The following BRINP1 variants were observed in gnomAD, a reference collection of about 807,000 sequenced individuals.
BRINP1 encodes the protein BMP/retinoic acid inducible neural specific 1, also known as BMP/retinoic acid-inducible neural-specific protein 1.
In BRINP1, 17 loss-of-function variants were observed where a neutral mutation model predicts 72.9. The ratio of observed to expected loss-of-function variants is 0.23; its 90% CI spans 0.16 to 0.35. BRINP1 has a LOEUF of 0.35. BRINP1 is among the 10% of genes least tolerant of loss of function. The pLI, the probability that BRINP1 is intolerant of heterozygous loss-of-function variation, is 1.00. For missense variants in BRINP1, 850 were observed against 1,001.6 expected (o/e 0.85, Z 2.04); for synonymous variants, 418 against 378.5 (o/e 1.10, Z -1.21).
chr9:119,324,357 G>T lies in BRINP1; in HGVS notation c.-50-10952C>A, dbSNP rs147747900. Among the ~76,000 whole-genome samples, 9 of 152,304 alleles carry T rather than the reference G, an allele frequency of 5.9e-5. No homozygotes were observed. In the East Asian group the frequency reaches 1.5e-3, roughly 26 times the overall value. On this transcript the variant is annotated intron_variant, in intron 1 of 7. Coordinates refer to ENST00000265922, the MANE Select transcript of BRINP1 (RefSeq NM_014618.3). Reference sequence around the variant, plus strand: ...CAGTGGGTTCTGTTTTTCCTTTGGGGTATTGTGATAACTTGGTGTTTTTAT... The same window carrying T: ...CAGTGGGTTCTGTTTTTCCTTTGGGTTATTGTGATAACTTGGTGTTTTTAT...
intron 2 of BRINP1, among the ~76,000 whole-genome samples, chr9:119,265,455 A>T (rs1472460267): frequency 1.3e-5 from 2 of 151,958 alleles, no homozygotes; most frequent in Non-Finnish European, 2.9e-5. Flanking sequence ...AAAAAAAAAA[A>T]TTAGCTGGGT....
Position 119,295,719 on chromosome 9 carries a change from A to T in BRINP1, c.218+17419T>A, listed in dbSNP as rs1365937593. 5.3e-5 allele frequency among the ~76,000 whole-genome samples: 8 copies of T among 152,296 alleles called. No individual in the cohort carries two copies. The East Asian group carries it at 1.5e-3, about 29-fold the overall frequency. On this transcript the variant is annotated intron_variant, in intron 2 of 7. Coordinates refer to ENST00000265922, the MANE Select transcript of BRINP1 (RefSeq NM_014618.3). ...AGACAAAATTGAACAGAATAGAGAG[A>T]CCAGAAATAAACCTGGGCATGTATT...
At position 119,313,298 on chromosome 9, in the gene BRINP1, C is replaced by T. The variant is rs1831088010; in HGVS notation, c.58G>A (p.Val20Met). 3 of 1,614,102 alleles carry T rather than the reference C, an allele frequency of 1.9e-6. No individual in the cohort carries two copies. Among genetic ancestry groups the T allele is most frequent in the Non-Finnish European group, 2.5e-6 (3 of 1,180,022 alleles). Residue 20 changes from valine to methionine, a missense_variant, in exon 2 of 8, where the codon GTG becomes ATG. Val to Met is a conservative substitution (Grantham distance 21, BLOSUM62 1). Transcript: ENST00000265922. ...YFLFIWGRIS[V>M]QPSHQEPAGT... ...GCTGGTTCCTGGTGGGAGGGCTGCACTGAGATACGGCCCCATATAAACAGG... is the reference window on the plus strand; with the variant it reads ...GCTGGTTCCTGGTGGGAGGGCTGCATTGAGATACGGCCCCATATAAACAGG...
intron 5 of BRINP1, among the ~76,000 whole-genome samples, chr9:119,218,512 G>T (rs191271302): frequency 6.6e-6 from 1 of 151,824 alleles, no homozygotes; most frequent in Non-Finnish European, 1.5e-5. Context: ...AACTTTAAAC[G>T]CTTCCTTCTC....
rs868445877 is a variant in BRINP1 at position 119,167,226 on chromosome 9, G to A, written c.2144C>T (p.Pro715Leu). ...RLAPPVAPGKPQLDLFSCMLK... is the reference protein window; with the variant it reads ...RLAPPVAPGKLQLDLFSCMLK... ...CATACAGGAGAACAAGTCCAGCTGG[G>A]GTTTCCCCGGGGCCACAGGAGGGGC... The change falls in exon 8 of 8, where the codon CCC becomes CTC. Residue 715 changes from proline (P) to leucine (L), a missense_variant. Coordinates refer to ENST00000265922, the MANE Select transcript of BRINP1 (RefSeq NM_014618.3). This position sits in a 1 kb window ranked among gnomAD's most constrained non-coding sequence, Gnocchi z 4.3. The A allele has an allele frequency of 6.2e-7, 1 of 1,614,162 alleles. No homozygotes were observed. The highest frequency in any genetic ancestry group is 8.5e-7 in the Non-Finnish European group (1 of 1,180,042).
chr9:119,319,628 C>T (rs1831164191), intron 1 of BRINP1, among the ~76,000 whole-genome samples: 1 of 152,112 alleles, frequency 6.6e-6, no homozygotes, highest in South Asian at 2.1e-4. Flanking sequence ...TATATGCTGG[C>T]TTTAAAATGG....
intron 1 of BRINP1, among the ~76,000 whole-genome samples, chr9:119,316,118 G>A (rs1013913060): frequency 6.6e-6 from 1 of 152,238 alleles, no homozygotes; most frequent in East Asian, 1.9e-4. Flanking sequence ...ACAGGGTCTT[G>A]CTCTGTCGCC....
At chr9:119,352,593 A>G (rs1213657433) in intron 1 of BRINP1, among the ~76,000 whole-genome samples, 2 of 152,152 alleles carry the variant, frequency 1.3e-5, no homozygotes, top group African/African-American at 4.8e-5. Context: ...TTTTTAGTAA[A>G]GATGGGGTTT....
At position 119,242,481 on chromosome 9, in the gene BRINP1, A is replaced by C. The variant is rs559805343; in HGVS notation, c.410-265T>G. Among the ~76,000 whole-genome samples, 6 of 152,342 alleles carry C rather than the reference A, an allele frequency of 3.9e-5. No individual in the cohort carries two copies. The South Asian group carries it at 1.2e-3, about 32-fold the overall frequency. On this transcript the variant is annotated intron_variant, in intron 3 of 7. Transcript: ENST00000265922. The stretch of plus-strand genomic sequence containing the variant: ...AATTGACTTCATGCTTCTCACCAGC[A>C]TCATCTTATAACAAAACCCTCTTCC...
chr9:119,183,862 TCA>T (rs2118841305), intron 7 of BRINP1, among the ~76,000 whole-genome samples: 1 of 152,150 alleles, frequency 6.6e-6, no homozygotes, highest in South Asian at 2.1e-4. Context: ...TTCCTGATGG[TCA>T]CTAGTGACTT....
At chr9:119,199,963 C>T (rs962584778) in intron 7 of BRINP1, among the ~76,000 whole-genome samples, 3 of 152,154 alleles carry the variant, frequency 2.0e-5, no homozygotes, top group Admixed American at 6.5e-5. Flanking sequence ...ATTTTGGTTA[C>T]GATCTGTTCA....
chr9:119,286,378 G>A (rs528354796), intron 2 of BRINP1, among the ~76,000 whole-genome samples: 14 of 152,000 alleles, frequency 9.2e-5, no homozygotes, highest in East Asian at 5.8e-4. Flanking sequence ...GACTACAGGC[G>A]CCTGCCACCA....
chr9:119,316,294 GC>G (rs904244128), intron 1 of BRINP1, among the ~76,000 whole-genome samples: 50 of 152,270 alleles, frequency 3.3e-4, no homozygotes, highest in African/African-American at 1.2e-3. Context: ...CGCCATGTTG[GC>G]CAGGCTGGTC....
intron 1 of BRINP1, among the ~76,000 whole-genome samples, chr9:119,331,012 G>A (rs1426437877): frequency 6.6e-6 from 1 of 152,178 alleles, no homozygotes; most frequent in Non-Finnish European, 1.5e-5. Flanking sequence ...GGGTGACAGA[G>A]TGAGAATCCA....
intron 1 of BRINP1, among the ~76,000 whole-genome samples, chr9:119,325,118 AAGAGAGAG>A (rs767203877): frequency 1.3e-5 from 2 of 151,546 alleles, no homozygotes; most frequent in Middle Eastern, 3.2e-3. Flanking sequence ...GAAAGAAAGA[AAGAGAGAG>A]AGAGAGAAAG....
intron 6 of BRINP1, among the ~76,000 whole-genome samples, chr9:119,213,040 ACAT>A (rs1486281096): frequency 6.6e-6 from 1 of 152,100 alleles, no homozygotes; most frequent in African/African-American, 2.4e-5. Context: ...TCCTTAACCC[ACAT>A]CATGGTCATC....
At chr9:119,336,560 G>T (rs1180870375) in intron 1 of BRINP1, among the ~76,000 whole-genome samples, 2 of 152,130 alleles carry the variant, frequency 1.3e-5, no homozygotes. Flanking sequence ...TGAAATGTGG[G>T]AGAGAGAGTG....
intron 5 of BRINP1, among the ~76,000 whole-genome samples, chr9:119,228,581 G>T (rs1406735645): frequency 6.6e-6 from 1 of 152,032 alleles, no homozygotes; most frequent in Non-Finnish European, 1.5e-5. Flanking sequence ...GTGCATGTGT[G>T]CATGCAAGAT....
intron 2 of BRINP1, among the ~76,000 whole-genome samples, chr9:119,306,528 C>T (rs1219466643): frequency 6.6e-6 from 1 of 152,204 alleles, no homozygotes; most frequent in East Asian, 1.9e-4. Flanking sequence ...GCCATCATCC[C>T]ATTCTCATCT....
Sources: gnomAD v4.1 joint callset for allele counts (sites outside exome capture counted in the v4.1 genomes callset) on GRCh38, gnomAD v4.1.1 for gene constraint, Gnocchi (gnomAD v3.1) non-coding constraint, MANE v1.5 for transcripts, NCBI Gene and HGNC (gene_info 2026-07-23, HGNC 2026-07-21) for gene names.